CHEK2: variants seen among roughly 807,000 people sequenced by gnomAD.
CHEK2 encodes the protein checkpoint kinase 2, also known as serine/threonine-protein kinase Chk2.
CHEK2 carries 71 observed loss-of-function variants against 69.1 expected under a neutral mutation model. The observed-to-expected ratio is 1.03, with a 90% CI of 0.85 to 1.25. CHEK2 has a LOEUF of 1.25. Ranked by LOEUF, CHEK2 falls within the 50% of genes most tolerant of loss-of-function variation. The pLI, the probability that CHEK2 is intolerant of heterozygous loss-of-function variation, is 0.00. For missense variants in CHEK2, 664 were observed against 649.6 expected, an observed-to-expected ratio of 1.02 and a Z score of -0.24; for synonymous variants, 189 against 226.9, an observed-to-expected ratio of 0.83 and a Z score of 1.50.
chr22:28,698,104 C>A (rs1395749865), intron 9 of CHEK2, among the ~76,000 whole-genome samples: 1 of 150,984 alleles, frequency 6.6e-6, no homozygotes, highest in Non-Finnish European at 1.5e-5. Flanking sequence ...TTTAAAAAGG[C>A]TTGTGGGCGG....
intron 6 of CHEK2, among the ~76,000 whole-genome samples, chr22:28,711,092 G>A (rs2053374371): frequency 6.6e-6 from 1 of 152,114 alleles, no homozygotes; most frequent in Admixed American, 6.6e-5. Context: ...AGAAACAGCT[G>A]GCCACTAGGG....
At chr22:28,702,904 A>G (rs2052944437) in intron 8 of CHEK2, among the ~76,000 whole-genome samples, 1 of 152,242 alleles carries the variant, frequency 6.6e-6, no homozygotes, top group South Asian at 2.1e-4. Context: ...TGTAAATGTT[A>G]TGTAAATAGT....
intron 13 of CHEK2, among the ~76,000 whole-genome samples, chr22:28,691,311 C>T (rs1235272136): frequency 6.6e-6 from 1 of 152,080 alleles, no homozygotes; most frequent in Non-Finnish European, 1.5e-5. Flanking sequence ...GAAACCCCAT[C>T]TCTACTAAAA....
At chr22:28,688,990 A>G (rs1354444315) in intron 14 of CHEK2, 145 bp downstream of exon 14, 9 of 663,382 alleles carry the variant, frequency 1.4e-5, no homozygotes, top group Non-Finnish European at 2.5e-5. Context: ...GCTGGAGCGA[A>G]TCAAGTTAAA....
At chr22:28,721,566 C>A (rs778846838) in intron 4 of CHEK2, 4 of 449,186 alleles carry the variant, frequency 8.9e-6, no homozygotes, top group South Asian at 6.5e-5. Flanking sequence ...GGATTAAAGA[C>A]GTGAGCCACC....
At chr22:28,733,673 C>T (rs528034820) in intron 2 of CHEK2, among the ~76,000 whole-genome samples, 3 of 152,274 alleles carry the variant, frequency 2.0e-5, no homozygotes, top group South Asian at 2.1e-4. Flanking sequence ...AATCCCAACA[C>T]TTTGGGAGGC....
intron 14 of CHEK2, among the ~76,000 whole-genome samples, chr22:28,688,396 C>T (rs1215911216): frequency 6.6e-6 from 1 of 152,230 alleles, no homozygotes; most frequent in Non-Finnish European, 1.5e-5. Context: ...AGGCTGGGTG[C>T]GGTGACTCAC....
rs564605612 is a variant in CHEK2, at chr22:28,694,042, G to A, written c.1451C>T (p.Pro484Leu). The change falls in exon 13 of 15, where the codon CCG (proline) becomes CTG (leucine). Residue 484 changes from proline to leucine, a missense_variant. By Grantham distance (98) the Pro-to-Leu change is moderately conservative. Coordinates refer to ENST00000404276, the MANE Select transcript of CHEK2 (RefSeq NM_007194.4). ...RFTTEEALRH[P>L]WLQDEDMKRK... is the part of the protein sequence containing the mutation. ...CTGTCCCACACCCACCTGAAGCCAC[G>A]GGTGTCTTAAGGCTTCTTCTGTCGT... 189 of 1,593,666 alleles carry A rather than the reference G, an allele frequency of 1.2e-4. No individual in the cohort carries two copies. Among genetic ancestry groups the A allele is most frequent in the Admixed American group, 1.0e-3 (61 of 59,986 alleles).
intron 8 of CHEK2, among the ~76,000 whole-genome samples, chr22:28,700,713 A>T (rs2052807542): frequency 6.6e-6 from 1 of 152,098 alleles, no homozygotes; most frequent in Non-Finnish European, 1.5e-5. Flanking sequence ...ATCTACCTTG[A>T]TGGTTGTTAT....
chr22:28,736,512 T>C (rs746192533), intron 1 of CHEK2, among the ~76,000 whole-genome samples: 1 of 152,220 alleles, frequency 6.6e-6, no homozygotes, highest in South Asian at 2.1e-4. Context: ...TAAATAACCA[T>C]AGGGCTTATC....
At chr22:28,740,336 T>TG (rs1026431372) in intron 1 of CHEK2, among the ~76,000 whole-genome samples, 56 of 152,312 alleles carry the variant, frequency 3.7e-4, no homozygotes, top group African/African-American at 1.3e-3. Flanking sequence ...GACACCATCT[T>TG]GCTGTCACTC....
chr22:28,729,540 CAAAAAAAAAAAA>C (rs58149342), intron 2 of CHEK2, among the ~76,000 whole-genome samples: 3 of 83,090 alleles, frequency 3.6e-5, no homozygotes, highest in East Asian at 3.5e-4. Context: ...GACTCCATCT[CAAAAAAAAAAAA>C]AAAAAAAAAA....
intron 10 of CHEK2, 115 bp from the exon 11 acceptor site, chr22:28,695,988 A>C (rs1601724099): frequency 1.3e-6 from 1 of 766,502 alleles, no homozygotes; most frequent in Non-Finnish European, 2.3e-6. Flanking sequence ...TGTACAATTC[A>C]CACCTGCCAT....
intron 4 of CHEK2, among the ~76,000 whole-genome samples, chr22:28,722,077 T>A (rs1398204456): frequency 6.6e-6 from 1 of 152,152 alleles, no homozygotes; most frequent in African/African-American, 2.4e-5. Context: ...GTTTATTTAA[T>A]TTTTTTAAAA....
At chr22:28,736,701 A>G (rs1297893900) in intron 1 of CHEK2, among the ~76,000 whole-genome samples, 2 of 152,114 alleles carry the variant, frequency 1.3e-5, no homozygotes, top group Non-Finnish European at 2.9e-5. Context: ...GCACTTTGGG[A>G]GGCCAAGGCA....
intron 5 of CHEK2, among the ~76,000 whole-genome samples, chr22:28,715,723 C>T (rs189962060): frequency 1.3e-5 from 2 of 152,230 alleles, no homozygotes; most frequent in East Asian, 3.9e-4. Context: ...CCCGGCCTGG[C>T]TATTTCCCAG....
intron 7 of CHEK2, among the ~76,000 whole-genome samples, chr22:28,704,180 A>G (rs1250295801): frequency 2.0e-5 from 3 of 151,682 alleles, no homozygotes; most frequent in Non-Finnish European, 4.4e-5. Context: ...CTGATAGTTC[A>G]TGACCACTGA....
At chr22:28,702,453 T>C (rs1190611428) in intron 8 of CHEK2, among the ~76,000 whole-genome samples, 2 of 151,562 alleles carry the variant, frequency 1.3e-5, no homozygotes, top group East Asian at 3.9e-4. Flanking sequence ...TTAGCCAGGA[T>C]GGCCTCGATC....
At chr22:28,735,325 G>C (rs1436997832) in intron 1 of CHEK2, among the ~76,000 whole-genome samples, 1 of 151,966 alleles carries the variant, frequency 6.6e-6, no homozygotes, top group Non-Finnish European at 1.5e-5. Flanking sequence ...AGAATCGCTT[G>C]AGCCCGGGAG....
Sources: gnomAD v4.1 joint callset for allele counts (sites outside exome capture counted in the v4.1 genomes callset) on GRCh38, gnomAD v4.1.1 for gene constraint, MANE v1.5 for transcripts, NCBI Gene and HGNC (gene_info 2026-07-23, HGNC 2026-07-21) for gene names.